Variants in LDHB observed in about 807,000 individuals in gnomAD.
The protein encoded by LDHB is L-lactate dehydrogenase B chain.
LDHB carries 18 observed loss-of-function variants against 33.4 expected under a neutral mutation model. The ratio of observed to expected loss-of-function variants is 0.54; its 90% CI spans 0.37 to 0.80. The LOEUF is 0.80. Ranked by LOEUF, LDHB falls within the 30% of genes least tolerant of loss-of-function variation. The pLI is 0.00. For synonymous variants in LDHB, 121 were observed against 140.6 expected (o/e 0.86, Z 0.98); for missense variants, 345 against 407.9 (o/e 0.85, Z 1.33).
At chr12:21,649,447 C>T (rs1363448428) in intron 2 of LDHB, among the ~76,000 whole-genome samples, 1 of 152,194 alleles carries the variant, frequency 6.6e-6, no homozygotes, top group Non-Finnish European at 1.5e-5. Context: ...CCTCTGTATT[C>T]ACATATTTTA....
chr12:21,642,146 A>G lies in LDHB; in HGVS notation c.422-21T>C, dbSNP rs1244099878. On this transcript the variant is annotated intron_variant, in intron 4 of 7. Coordinates refer to ENST00000350669, the MANE Select transcript of LDHB (RefSeq NM_002300.8). ...GTCCACTAAAAATTTTGGAAATAAT[A>G]TATGTAAGTAAACCAAAACCAACTT... 4.4e-6 allele frequency: 7 copies of G among 1,598,994 alleles called. No individual in the cohort carries two copies. In the East Asian group the frequency reaches 6.7e-5, roughly 15 times the overall value.
chr12:21,656,452 G>A (rs570981219), intron 1 of LDHB, among the ~76,000 whole-genome samples: 1 of 152,238 alleles, frequency 6.6e-6, no homozygotes, highest in African/African-American at 2.4e-5. Flanking sequence ...TTTGAAGGAC[G>A]ACACACATGA....
Position 21,637,301 on chromosome 12 carries a change from A to G in LDHB, c.714-107T>C. ...CTCTAACTATAATCTTGGGCAAATT[A>G]TTTACCCTTTATTGCCTTAGTGTTC... is the stretch of plus-strand genomic sequence containing the variant. On this transcript the variant is annotated intron_variant, in intron 6 of 7. Transcript: ENST00000350669. 5 of 850,470 alleles carry G rather than the reference A, an allele frequency of 5.9e-6. No homozygotes were observed. The Admixed American group carries it at 9.3e-5, about 16-fold the overall frequency. The allele number at this position is 850,470 out of a possible 1,614,324, so 52.7% of individuals were successfully genotyped here.
intron 1 of LDHB, among the ~76,000 whole-genome samples, chr12:21,655,629 T>C (rs771298724): frequency 1.2e-4 from 19 of 152,226 alleles, no homozygotes; most frequent in Non-Finnish European, 2.5e-4. Context: ...GGAAAGTAGA[T>C]AGACACTTAA....
chr12:21,648,037 GGA>G (rs1938576849), intron 2 of LDHB, among the ~76,000 whole-genome samples: 1 of 15,564 alleles, frequency 6.4e-5, no homozygotes, highest in Non-Finnish European at 1.2e-3. Context: ...GTGAAAGAAA[GGA>G]AAAAAAAAAG....
At chr12:21,653,434 T>C (rs181221645) in intron 2 of LDHB, among the ~76,000 whole-genome samples, 125 of 152,234 alleles carry the variant, frequency 8.2e-4, no homozygotes, top group African/African-American at 3.0e-3. Context: ...CACACATCTG[T>C]GGAAAAATTG....
In LDHB at chr12:21,641,955, T is replaced by C; in HGVS notation, c.592A>G (p.Ser198Gly). 6.2e-7 allele frequency: 1 copy of C among 1,611,544 alleles called. No homozygotes were observed. The highest frequency in any genetic ancestry group is 8.5e-7 in the Non-Finnish European group (1 of 1,178,708). ...GWILGEHGDS[S>G]VAVWSGVNVA... Reference sequence around the variant, plus strand: ...TATTTCTTTTTTTTTTCTTTACCACTTGAGTCGCCATGTTCCCCCAAAATC... The same window carrying C: ...TATTTCTTTTTTTTTTCTTTACCACCTGAGTCGCCATGTTCCCCCAAAATC... The change falls in exon 5 of 8, where the codon AGT becomes GGT. Residue 198 changes from serine to glycine, a missense_variant. Transcript: ENST00000350669.
chr12:21,650,104 AT>A (rs1410111910), intron 2 of LDHB, among the ~76,000 whole-genome samples: 1 of 1,332 alleles, frequency 7.5e-4, no homozygotes, highest in African/African-American at 9.5e-4. Context: ...GAGAAAAAAA[AT>A]ACACACACAC....
At chr12:21,643,624 C>T (rs1161136662) in intron 4 of LDHB, 4 of 310,236 alleles carry the variant, frequency 1.3e-5, no homozygotes, top group East Asian at 1.2e-4. Flanking sequence ...AAACTATGTT[C>T]GAATGCTTCA....
At chr12:21,635,820 A>G in intron 7 of LDHB, 111 bp from the exon 8 acceptor site, 1 of 924,432 alleles carries the variant, frequency 1.1e-6, no homozygotes, top group Non-Finnish European at 1.7e-6. Flanking sequence ...TTGAAGCTTC[A>G]GTGAGCTATG....
At chr12:21,639,550 A>G (rs1321776332) in intron 5 of LDHB, among the ~76,000 whole-genome samples, 1 of 152,056 alleles carries the variant, frequency 6.6e-6, no homozygotes, top group Admixed American at 6.6e-5. Context: ...TCTATCACCT[A>G]GCAATGTATA....
intron 3 of LDHB, among the ~76,000 whole-genome samples, chr12:21,645,093 G>A (rs1938483327): frequency 2.0e-5 from 3 of 152,088 alleles, no homozygotes; most frequent in Admixed American, 1.3e-4. Flanking sequence ...TGCGCTCCCT[G>A]AAACATGTGC....
At chr12:21,649,719 C>T (rs1026567755) in intron 2 of LDHB, among the ~76,000 whole-genome samples, 4 of 152,042 alleles carry the variant, frequency 2.6e-5, no homozygotes, top group Non-Finnish European at 5.9e-5. Context: ...CCAGACACAG[C>T]CATATATTCT....
At chr12:21,646,657 A>T (rs1016237808) in intron 3 of LDHB, among the ~76,000 whole-genome samples, 1 of 152,242 alleles carries the variant, frequency 6.6e-6, no homozygotes, top group East Asian at 1.9e-4. Context: ...TAGAGAAGTA[A>T]GAGCTTTTTA....
At chr12:21,636,394 G>A (rs1278745847) in intron 7 of LDHB, among the ~76,000 whole-genome samples, 3 of 151,110 alleles carry the variant, frequency 2.0e-5, no homozygotes, top group African/African-American at 7.3e-5. Flanking sequence ...CAGTTCGTGT[G>A]GGTAATTTAT....
intron 4 of LDHB, among the ~76,000 whole-genome samples, chr12:21,642,718 T>G (rs759934): frequency 1.3e-5 from 2 of 152,188 alleles, no homozygotes; most frequent in African/African-American, 2.4e-5. Flanking sequence ...CTGATCCAGA[T>G]AGGATCACAG....
chr12:21,654,499 A>C (rs994615864), intron 2 of LDHB, 44 bp downstream of exon 2: 1 of 1,592,392 alleles, frequency 6.3e-7, no homozygotes, highest in African/African-American at 1.3e-5. Flanking sequence ...AACTGTGTAT[A>C]CATGCTGAAC....
At position 21,652,313 on chromosome 12, in the gene LDHB, T is replaced by C. The variant is rs529337406; in HGVS notation, c.129+2230A>G. 2.0e-5 allele frequency among the ~76,000 whole-genome samples: 3 copies of C among 152,248 alleles called. No homozygotes were observed. In the East Asian group the frequency reaches 5.8e-4, roughly 29 times the overall value. Reference sequence around the variant, plus strand: ...ATGGTGAAGAGTTCAGAGCCCTGGGTTCAAAATACAGCTCCACCACTGCCA... The same window carrying C: ...ATGGTGAAGAGTTCAGAGCCCTGGGCTCAAAATACAGCTCCACCACTGCCA... On this transcript the variant is annotated intron_variant, in intron 2 of 7. Transcript: ENST00000350669.
intron 2 of LDHB, among the ~76,000 whole-genome samples, chr12:21,650,003 A>AATC (rs1162527004): frequency 2.0e-5 from 3 of 152,120 alleles, no homozygotes; most frequent in South Asian, 4.2e-4. Context: ...GAGGCAGGAG[A>AATC]ATCACTTGAA....
Sources: gnomAD v4.1 joint callset for allele counts (sites outside exome capture counted in the v4.1 genomes callset) on GRCh38, gnomAD v4.1.1 for gene constraint, MANE v1.5 for transcripts, NCBI Gene and HGNC (gene_info 2026-07-23, HGNC 2026-07-21) for gene names.